FBXO39: variants seen among roughly 807,000 people sequenced by gnomAD.
The protein encoded by FBXO39 is F-box protein 39, also known as F-box only protein 39.
FBXO39 carries 22 observed loss-of-function variants against 36.6 expected under a neutral mutation model. That is an observed-to-expected ratio of 0.60 (90% confidence interval 0.43 to 0.86). The LOEUF is 0.86. Ranked by LOEUF, FBXO39 falls within the 40% of genes least tolerant of loss-of-function variation. The pLI, the probability that FBXO39 is intolerant of heterozygous loss-of-function variation, is 0.00. For missense variants in FBXO39, 536 were observed against 543.9 expected, an observed-to-expected ratio of 0.99 and a Z score of 0.14; for synonymous variants, 206 against 205.8, an observed-to-expected ratio of 1.00 and a Z score of -0.01.
intron 3 of FBXO39, 62 bp from the exon 4 acceptor site, chr17:6,787,224 GTGTGTGTGTGTGTA>G (rs1567672493): frequency 2.5e-5 from 32 of 1,277,652 alleles, no homozygotes; most frequent in African/African-American, 6.9e-5. Context: ...TGTAGTCACC[GTGTGTGTGTGTGTA>G]TGTGTGTGTG....
intron 3 of FBXO39, 41 bp from the exon 4 acceptor site, chr17:6,787,259 T>TGTGC: frequency 6.3e-7 from 1 of 1,578,110 alleles, no homozygotes; most frequent in Non-Finnish European, 8.6e-7. Context: ...TGTGTGCGTG[T>TGTGC]GTGCGTGCTC....
In FBXO39 at chr17:6,780,645, C is replaced by A; in HGVS notation, c.777C>A (p.His259Gln). Residue 259 changes from histidine to glutamine, a missense_variant, in exon 2 of 4, where the codon CAC (histidine) becomes CAA (glutamine). Transcript: ENST00000321535. ...TCCGGACCATCAACATCAAATGCCA[C>A]GTTCATGACCCCCACGGACAGGTCA... ...STLRTINIKC[H>Q]VHDPHGQVIW... 2 of 1,614,116 alleles carry A rather than the reference C, an allele frequency of 1.2e-6. No homozygotes were observed. Among genetic ancestry groups the A allele is most frequent in the African/African-American group, 1.3e-5 (1 of 75,020 alleles).
In FBXO39 at chr17:6,787,538, A is replaced by AG; in HGVS notation, c.*110_*111insG. The AG allele has an allele frequency of 7.8e-7, 1 of 1,284,462 alleles. No individual in the cohort carries two copies. Among genetic ancestry groups the AG allele is most frequent in the South Asian group, 1.5e-5 (1 of 68,138 alleles). The allele number at this position is 1,284,462 out of a possible 1,614,324, so 79.6% of individuals were successfully genotyped here. ...CCTTTTGCTCCTCTCTCTCCCCTCC[A>AG]CTTTTTTTTTTTGTCAGCTCCATGA... On this transcript the variant is annotated 3_prime_UTR_variant, in exon 4 of 4. Coordinates refer to ENST00000321535, the MANE Select transcript of FBXO39 (RefSeq NM_153230.3).
At position 6,786,894 on chromosome 17, in the gene FBXO39, A is replaced by T; in HGVS notation, c.1138A>T (p.Ser380Cys). 1 of 1,614,050 alleles carries T rather than the reference A, an allele frequency of 6.2e-7. No individual in the cohort carries two copies. Among genetic ancestry groups the T allele is most frequent in the Non-Finnish European group, 8.5e-7 (1 of 1,179,964 alleles). ...CAAAATCTGGGCTTTCCTTGATGTT[A>T]GTTTTGTGGAGCGGATCCTGAAGAG... is the stretch of plus-strand genomic sequence containing the variant. ...YFKIWAFLDVSFVERILKSQK... is the reference protein window; with the variant it reads ...YFKIWAFLDVCFVERILKSQK... The change falls in exon 3 of 4, where the codon AGT (serine) becomes TGT (cysteine). Residue 380 changes from serine to cysteine, a missense_variant. Physicochemically the swap from Ser to Cys is moderately radical, Grantham distance 112 (BLOSUM62 -1). Transcript: ENST00000321535.
intron 1 of FBXO39, among the ~76,000 whole-genome samples, chr17:6,778,555 A>G (rs1213014663): frequency 6.6e-6 from 1 of 152,172 alleles, no homozygotes; most frequent in South Asian, 2.1e-4. Flanking sequence ...ATCAATTCTC[A>G]GGTCTCTTTC....
intron 1 of FBXO39, among the ~76,000 whole-genome samples, chr17:6,777,752 G>A (rs1389319768): frequency 6.6e-6 from 1 of 152,162 alleles, no homozygotes; most frequent in African/African-American, 2.4e-5. Flanking sequence ...GAAAGGCAAG[G>A]ACACAGATTA....
chr17:6,779,713 AC>A (rs1976479138), intron 1 of FBXO39, 75 bp from the exon 2 acceptor site: 1 of 757,538 alleles, frequency 1.3e-6, no homozygotes, highest in South Asian at 1.9e-5. Context: ...TGCACTTGGG[AC>A]CACAGGGAAA....
chr17:6,786,809 T>C lies in FBXO39; in HGVS notation c.1053T>C (p.His351=). ...QKLTCEFNNN[H]ESLDEELHLL... is the part of the protein sequence containing the mutation. ...TAACTTGTGAATTCAACAACAACCA[T>C]GAGTCACTCGACGAGGAGCTGCACC... Residue 351 remains histidine, a synonymous_variant, in exon 3 of 4, where the codon CAT becomes CAC. Transcript: ENST00000321535. 1 of 1,612,112 alleles carries C rather than the reference T, an allele frequency of 6.2e-7. No individual in the cohort carries two copies. Among genetic ancestry groups the C allele is most frequent in the Non-Finnish European group, 8.5e-7 (1 of 1,179,160 alleles).
chr17:6,785,606 G>T (rs79214483), intron 2 of FBXO39, among the ~76,000 whole-genome samples: 9,650 of 151,852 alleles, frequency 0.064, 971 homozygotes, highest in African/African-American at 0.21. Flanking sequence ...CATATCACAA[G>T]GGATTAATAA....
intron 2 of FBXO39, among the ~76,000 whole-genome samples, chr17:6,781,190 G>T (rs1976505262): frequency 6.6e-6 from 1 of 152,244 alleles, no homozygotes; most frequent in South Asian, 2.1e-4. Flanking sequence ...GAGGTGCCTT[G>T]CAGGCGAATA....
chr17:6,780,201 C>T lies in FBXO39; in HGVS notation c.333C>T (p.Thr111=). The part of the protein sequence containing the change: ...NAVLTKKFQV[T]MRGLLSCLSK... ...TCTTGACCAAGAAGTTCCAGGTCAC[C>T]ATGCGGGGCCTCCTGTCTTGTCTGA... Residue 111 remains threonine (T), a synonymous_variant, in exon 2 of 4, where the codon ACC becomes ACT. Transcript: ENST00000321535. The T allele has an allele frequency of 6.2e-7, 1 of 1,614,118 alleles. No homozygotes were observed. Among genetic ancestry groups the T allele is most frequent in the Non-Finnish European group, 8.5e-7 (1 of 1,180,012 alleles).
intron 2 of FBXO39, among the ~76,000 whole-genome samples, chr17:6,784,970 A>G (rs956467903): frequency 7.1e-6 from 1 of 140,580 alleles, no homozygotes; most frequent in African/African-American, 3.2e-5. Flanking sequence ...TATATATGGA[A>G]CCACAAAAGA....
chr17:6,787,339 G>A lies in FBXO39; in HGVS notation c.1240G>A (p.Asp414Asn). 1 of 1,613,932 alleles carries A rather than the reference G, an allele frequency of 6.2e-7. No homozygotes were observed. The highest frequency in any genetic ancestry group is 8.5e-7 in the Non-Finnish European group (1 of 1,179,978). Residue 414 changes from aspartate to asparagine, a missense_variant, in exon 4 of 4, where the codon GAC (aspartate) becomes AAC (asparagine). Coordinates refer to ENST00000321535, the MANE Select transcript of FBXO39 (RefSeq NM_153230.3). ...AAACAGATATGAGACGAATGAAGAG[G>A]ACAAGACCCTGCAGGAAATTTACAG... Reference protein sequence around the residue: ...YTNRYETNEEDKTLQEIYRKY... With the variant: ...YTNRYETNEENKTLQEIYRKY...
intron 2 of FBXO39, among the ~76,000 whole-genome samples, chr17:6,785,825 C>T (rs1437125859): frequency 6.6e-6 from 1 of 151,930 alleles, no homozygotes; most frequent in Non-Finnish European, 1.5e-5. Context: ...CCAGTTAAAA[C>T]GATTTTTATT....
rs142087585 is a variant in FBXO39, at chr17:6,780,749, A to T, written c.881A>T (p.Lys294Met). ...KVNFFFERIM[K>M]YERLARILLQ... ...AACTTCTTCTTTGAACGGATCATGA[A>T]GTACGAACGCTTGGCCCGAATCCTC... The change falls in exon 2 of 4, where the codon AAG becomes ATG. Residue 294 changes from lysine (K) to methionine (M), a missense_variant. Transcript: ENST00000321535. 6.2e-7 allele frequency: 1 copy of T among 1,614,158 alleles called. No homozygotes were observed. Among genetic ancestry groups the T allele is most frequent in the Non-Finnish European group, 8.5e-7 (1 of 1,180,034 alleles).
intron 2 of FBXO39, among the ~76,000 whole-genome samples, chr17:6,786,230 A>C (rs1024826684): frequency 3.3e-5 from 5 of 152,224 alleles, no homozygotes; most frequent in Non-Finnish European, 7.3e-5. Context: ...ATGTTAAGTG[A>C]AATATGCTAG....
At position 6,780,666 on chromosome 17, in the gene FBXO39, G is replaced by T; in HGVS notation, c.798G>T (p.Gln266His). 3.1e-6 allele frequency: 5 copies of T among 1,614,144 alleles called. No individual in the cohort carries two copies. Among genetic ancestry groups the T allele is most frequent in the Non-Finnish European group, 4.2e-6 (5 of 1,180,028 alleles). ...GCCACGTTCATGACCCCCACGGACAGGTCATCTGGGGTATGTCCTGGGCCA... is the reference window on the plus strand; with the variant it reads ...GCCACGTTCATGACCCCCACGGACATGTCATCTGGGGTATGTCCTGGGCCA... ...IKCHVHDPHGQVIWGMSWAKL... is the reference protein window; with the variant it reads ...IKCHVHDPHGHVIWGMSWAKL... Residue 266 changes from glutamine (Q) to histidine (H), a missense_variant, in exon 2 of 4, where the codon CAG (glutamine) becomes CAT (histidine). By Grantham distance (24) the Gln-to-His change is conservative. Coordinates refer to ENST00000321535, the MANE Select transcript of FBXO39 (RefSeq NM_153230.3).
At chr17:6,782,243 C>G (rs1976517148) in intron 2 of FBXO39, among the ~76,000 whole-genome samples, 1 of 152,094 alleles carries the variant, frequency 6.6e-6, no homozygotes. Flanking sequence ...ATATTGTTTG[C>G]AAGCTTCATG....
At chr17:6,786,749 A>G in intron 2 of FBXO39, 31 bp from the exon 3 acceptor site, 1 of 1,570,646 alleles carries the variant, frequency 6.4e-7, no homozygotes, top group Non-Finnish European at 8.6e-7. Flanking sequence ...ATCTCTGCCC[A>G]CACACATCTT....
Sources: gnomAD v4.1 joint callset for allele counts (sites outside exome capture counted in the v4.1 genomes callset) on GRCh38, gnomAD v4.1.1 for gene constraint, MANE v1.5 for transcripts, NCBI Gene and HGNC (gene_info 2026-07-23, HGNC 2026-07-21) for gene names.